RASGRF2: variants seen among roughly 807,000 people sequenced by gnomAD.
The protein encoded by RASGRF2 is Ras protein specific guanine nucleotide releasing factor 2.
RASGRF2 carries 76 observed loss-of-function variants against 151.0 expected under a neutral mutation model. That is an observed-to-expected ratio of 0.50 (90% CI 0.42 to 0.61). The LOEUF is 0.61. RASGRF2 is among the 20% of genes least tolerant of loss of function. RASGRF2 has a pLI of 0.00. For missense variants in RASGRF2, 1,148 were observed against 1,564.6 expected, an observed-to-expected ratio of 0.73 and a Z score of 4.49; for synonymous variants, 504 against 566.5, an observed-to-expected ratio of 0.89 and a Z score of 1.57.
rs566755976 is a variant in RASGRF2 at position 81,186,603 on chromosome 5, T to G, written c.2793+6322T>G. 1.5e-4 allele frequency among the ~76,000 whole-genome samples: 23 copies of G among 152,222 alleles called. No individual in the cohort carries two copies. In the South Asian group the frequency reaches 4.2e-3, roughly 27 times the overall value. On this transcript the variant is annotated intron_variant, in intron 18 of 26. Coordinates refer to ENST00000265080, the MANE Select transcript of RASGRF2 (RefSeq NM_006909.3). ...ACACACAAAACAGAGTCCTTTTCAC[T>G]CTTTCATTAAAATATATGTTCCCTA...
chr5:81,221,505 T>G (rs981821456), intron 26 of RASGRF2, among the ~76,000 whole-genome samples: 3 of 152,142 alleles, frequency 2.0e-5, no homozygotes, highest in Non-Finnish European at 4.4e-5. Context: ...CCCCAATCCA[T>G]GTAGGGTTTT....
chr5:81,056,859 A>G (rs911189071), intron 2 of RASGRF2, among the ~76,000 whole-genome samples: 7 of 152,160 alleles, frequency 4.6e-5, no homozygotes, highest in Non-Finnish European at 1.0e-4. Context: ...TTCTTGTTGA[A>G]TTGATCCCTT....
chr5:81,069,398 A>C (rs1751707426), intron 3 of RASGRF2, among the ~76,000 whole-genome samples: 1 of 152,246 alleles, frequency 6.6e-6, no homozygotes, highest in Non-Finnish European at 1.5e-5. Context: ...TATATCAGGC[A>C]CTGTTATTTA....
At chr5:81,081,035 C>T (rs946290040) in intron 7 of RASGRF2, among the ~76,000 whole-genome samples, 11 of 152,104 alleles carry the variant, frequency 7.2e-5, no homozygotes, top group Non-Finnish European at 1.0e-4. Context: ...TTTTTTGAAA[C>T]GCTGCACAAT....
chr5:81,200,460 A>G (rs550669136), intron 18 of RASGRF2, among the ~76,000 whole-genome samples: 32 of 152,246 alleles, frequency 2.1e-4, no homozygotes, highest in African/African-American at 6.5e-4. Context: ...TGCCTCTTCA[A>G]TCTCACTTCT....
chr5:80,968,636 G>A (rs1270200820), intron 1 of RASGRF2, among the ~76,000 whole-genome samples: 1 of 152,154 alleles, frequency 6.6e-6, no homozygotes, highest in African/African-American at 2.4e-5. Flanking sequence ...GATGGAATTG[G>A]CTTTTAAATA....
At chr5:81,180,052 CCT>C in intron 17 of RASGRF2, 121 bp from the exon 18 acceptor site, 1 of 637,486 alleles carries the variant, frequency 1.6e-6, no homozygotes. Flanking sequence ...GCCACGCGCA[CCT>C]CTCTGCCAAG....
chr5:81,069,524 C>T (rs1268740116), intron 3 of RASGRF2, among the ~76,000 whole-genome samples: 1 of 152,182 alleles, frequency 6.6e-6, no homozygotes, highest in East Asian at 1.9e-4. Context: ...GGCGATGTTC[C>T]TCAATATTTG....
intron 12 of RASGRF2, among the ~76,000 whole-genome samples, chr5:81,097,969 T>G (rs1752594019): frequency 6.6e-6 from 1 of 152,256 alleles, no homozygotes; most frequent in Non-Finnish European, 1.5e-5. Flanking sequence ...GAGGATGGGC[T>G]GAGGGCAGAG....
At chr5:80,991,226 A>G (rs778584069) in intron 1 of RASGRF2, among the ~76,000 whole-genome samples, 4 of 152,146 alleles carry the variant, frequency 2.6e-5, no homozygotes, top group African/African-American at 9.7e-5. Flanking sequence ...TGGGAGGCCA[A>G]GGCAGGCAGA....
At chr5:80,997,983 A>AT (rs1394536071) in intron 1 of RASGRF2, 1 of 151,930 alleles carries the variant, frequency 6.6e-6, no homozygotes, top group Non-Finnish European at 1.5e-5. Context: ...AAAAAAAAAA[A>AT]AAAATTAAAG....
chr5:81,151,377 A>T lies in RASGRF2; in HGVS notation c.2686+24214A>T, dbSNP rs1055079967. Among the ~76,000 whole-genome samples the T allele has an allele frequency of 5.6e-5, 8 of 143,750 alleles. No individual in the cohort carries two copies. The East Asian group carries it at 1.8e-3, about 33-fold the overall frequency. The allele number at this position is 143,750 out of a possible 152,430, so 94.3% of individuals were successfully genotyped here. On this transcript the variant is annotated intron_variant, in intron 17 of 26. Coordinates refer to ENST00000265080, the MANE Select transcript of RASGRF2 (RefSeq NM_006909.3). Reference sequence around the variant, plus strand: ...GATTGGGTTTTTGGTCCACAGGAAAACTGGTACCTTTTTTTTTTTTTTTTT... The same window carrying T: ...GATTGGGTTTTTGGTCCACAGGAAATCTGGTACCTTTTTTTTTTTTTTTTT...
rs561073820 is a variant in RASGRF2, at chr5:81,110,257, G to A, written c.1838+1179G>A. Among the ~76,000 whole-genome samples, 8 of 152,272 alleles carry A rather than the reference G, an allele frequency of 5.3e-5. No individual in the cohort carries two copies. The South Asian group carries it at 1.7e-3, about 32-fold the overall frequency. On this transcript the variant is annotated intron_variant, in intron 13 of 26. Coordinates refer to ENST00000265080, the MANE Select transcript of RASGRF2 (RefSeq NM_006909.3). The stretch of plus-strand genomic sequence containing the variant: ...TTACCAATTATAATAGATGATTTGG[G>A]TTTGATCTCTCAAGATTGCTTTTTA...
intron 1 of RASGRF2, among the ~76,000 whole-genome samples, chr5:80,993,267 G>T (rs1321940782): frequency 6.6e-6 from 1 of 152,136 alleles, no homozygotes; most frequent in East Asian, 1.9e-4. Context: ...ATTCTTCCGT[G>T]AATATTATTT....
rs1752500482 is a variant in RASGRF2 at position 81,094,852 on chromosome 5, C to G, written c.1619-4C>G. 1 of 1,594,462 alleles carries G rather than the reference C, an allele frequency of 6.3e-7. No individual in the cohort carries two copies. Among genetic ancestry groups the G allele is most frequent in the Non-Finnish European group, 8.6e-7 (1 of 1,163,704 alleles). On this transcript the variant is annotated splice_polypyrimidine_tract_variant and splice_region_variant and intron_variant, in intron 11 of 26. Transcript: ENST00000265080. ...TCTAATTGTTTGCTTTACATGTGTT[C>G]AAGCTAAAGGTTCTGGGCAAGTGTT...
chr5:81,204,491 T>C (rs1755463217), intron 19 of RASGRF2, among the ~76,000 whole-genome samples: 1 of 152,134 alleles, frequency 6.6e-6, no homozygotes. Context: ...CCTCCCTGAC[T>C]CACAGTCTCA....
intron 22 of RASGRF2, 136 bp from the exon 23 acceptor site, chr5:81,212,230 T>A (rs1755644276): frequency 6.7e-6 from 4 of 593,090 alleles, no homozygotes; most frequent in Non-Finnish European, 8.9e-6. Context: ...AAAGTTGGTA[T>A]CTAAATGTAG....
chr5:81,116,316 C>T (rs566806348), intron 15 of RASGRF2, among the ~76,000 whole-genome samples: 1 of 152,146 alleles, frequency 6.6e-6, no homozygotes, highest in African/African-American at 2.4e-5. Context: ...CTTCTGACCT[C>T]AGGTGTTCCA....
At chr5:81,034,808 A>AGG (rs3991139) in intron 1 of RASGRF2, among the ~76,000 whole-genome samples, 1 of 98,914 alleles carries the variant, frequency 1.0e-5, no homozygotes, top group East Asian at 3.1e-4. Flanking sequence ...GTGGGGTGGG[A>AGG]GGGGGGTAGG....
Sources: gnomAD v4.1 joint callset for allele counts (sites outside exome capture counted in the v4.1 genomes callset) on GRCh38, gnomAD v4.1.1 for gene constraint, MANE v1.5 for transcripts, NCBI Gene and HGNC (gene_info 2026-07-23, HGNC 2026-07-21) for gene names.